Variants in SIGLEC6 observed in about 807,000 individuals in gnomAD.
SIGLEC6 encodes sialic acid binding Ig like lectin 6.
SIGLEC6 carries 31 observed loss-of-function variants against 41.4 expected under a neutral mutation model. That is an observed-to-expected ratio of 0.75 (90% CI 0.56 to 1.01). The LOEUF (loss-of-function observed/expected upper bound fraction) is 1.01. Among genes scored for constraint, SIGLEC6 ranks in the 50% least tolerant of loss-of-function variants. SIGLEC6 has a pLI of 0.00. For synonymous variants in SIGLEC6, 217 were observed against 231.0 expected, an observed-to-expected ratio of 0.94 and a Z score of 0.55; for missense variants, 555 against 558.6, an observed-to-expected ratio of 0.99 and a Z score of 0.06.
intron 3 of SIGLEC6, 98 bp downstream of exon 3, chr19:51,530,583 C>G: frequency 1.2e-6 from 2 of 1,605,722 alleles, no homozygotes; most frequent in East Asian, 4.5e-5. Context: ...AAGGGGCTCT[C>G]CTCTTTGGCA....
Position 51,531,454 on chromosome 19 carries a change from G to T in SIGLEC6, c.133C>A (p.Leu45Met). 1 of 1,614,104 alleles carries T rather than the reference G, an allele frequency of 6.2e-7. No individual in the cohort carries two copies. Among genetic ancestry groups the T allele is most frequent in the Non-Finnish European group, 8.5e-7 (1 of 1,179,994 alleles). ...AATCTGCAGGGTACGAGGACGCACA[G>T]ACCCTCCTGCACCGTCAGTGACTCT... ...GPESLTVQEG[L>M]CVLVPCRLPT... The change falls in exon 2 of 8, where the codon CTG (leucine) becomes ATG (methionine). Residue 45 changes from leucine to methionine, a missense_variant. Coordinates refer to ENST00000425629, the MANE Select transcript of SIGLEC6 (RefSeq NM_001245.7).
Position 51,530,181 on chromosome 19 carries a change from C to T in SIGLEC6, c.755-200G>A, listed in dbSNP as rs144701730. Among the ~76,000 whole-genome samples the T allele has an allele frequency of 3.3e-4, 51 of 152,284 alleles. 12 individuals are homozygous for T. Among genetic ancestry groups the T allele is most frequent in the Admixed American group, 1.1e-3 (17 of 15,294 alleles). ...AGAGTGGAGCAAGGGCTGCGGACAGCGTCGTGGCAGACAAGTGCCATTCCT... is the reference window on the plus strand; with the variant it reads ...AGAGTGGAGCAAGGGCTGCGGACAGTGTCGTGGCAGACAAGTGCCATTCCT... On this transcript the variant is annotated intron_variant, in intron 4 of 7. Coordinates refer to ENST00000425629, the MANE Select transcript of SIGLEC6 (RefSeq NM_001245.7).
chr19:51,528,379 C>T, intron 5 of SIGLEC6, 126 bp from the exon 6 acceptor site: 1 of 763,866 alleles, frequency 1.3e-6, no homozygotes, highest in Non-Finnish European at 2.2e-6. Flanking sequence ...CATTTCACTG[C>T]CCTGTGAACC....
rs368174533 is a variant in SIGLEC6, at chr19:51,520,106, G to A, written c.1338C>T (p.Tyr446=). The A allele has an allele frequency of 1.1e-4, 178 of 1,580,480 alleles. 1 individual carries two copies. The highest frequency in any genetic ancestry group is 1.5e-4 in the Non-Finnish European group (175 of 1,154,736). Residue 446 remains tyrosine (Y), a synonymous_variant, in exon 8 of 8, where the codon TAC becomes TAT. Transcript: ENST00000425629. ...CTCACTTGTGTATCTTGATTTCTGA[G>A]TACTCAGTGTCGGTGACCTTTGGTT... The part of the protein sequence containing the change: ...PQEPKVTDTE[Y]SEIKIHK
At chr19:51,528,807 C>G (rs1414704808) in intron 5 of SIGLEC6, among the ~76,000 whole-genome samples, 3 of 151,874 alleles carry the variant, frequency 2.0e-5, no homozygotes, top group East Asian at 3.9e-4. Context: ...ATGGTGAAAC[C>G]CTGTCTCTAC....
Position 51,530,826 on chromosome 19 carries a change from G to C in SIGLEC6, c.561C>G (p.Pro187=). ...PPIFSWMSAA[P]TSLGPRTTQS... is the part of the protein sequence containing the mutation. ...GGGTGGTCCTGGGGCCCAGGGAGGT[G>C]GGGGCAGCTGACATCCAGGAGAAGA... Residue 187 remains proline, a synonymous_variant, in exon 3 of 8, where the codon CCC becomes CCG. Coordinates refer to ENST00000425629, the MANE Select transcript of SIGLEC6 (RefSeq NM_001245.7). The C allele has an allele frequency of 6.2e-7, 1 of 1,614,028 alleles. No individual in the cohort carries two copies. Among genetic ancestry groups the C allele is most frequent in the South Asian group, 1.1e-5 (1 of 91,082 alleles).
At position 51,518,126 on chromosome 19, in the gene SIGLEC6, TTTTC is replaced by T. The variant is rs1990662620; in HGVS notation, c.*1952_*1955del. Among the ~76,000 whole-genome samples, 1 of 152,230 alleles carries T rather than the reference TTTTC, an allele frequency of 6.6e-6. No individual in the cohort carries two copies. Among genetic ancestry groups the T allele is most frequent in the African/African-American group, 2.4e-5 (1 of 41,458 alleles). On this transcript the variant is annotated 3_prime_UTR_variant, in exon 8 of 8. Coordinates refer to ENST00000425629, the MANE Select transcript of SIGLEC6 (RefSeq NM_001245.7). ...TGTTTTAGAATTTATTTGAGAAATC[TTTTC>T]TTTATTAACACTCACATATTTTGGT...
intron 7 of SIGLEC6, among the ~76,000 whole-genome samples, chr19:51,522,759 C>G (rs1978499842): frequency 6.6e-6 from 1 of 152,184 alleles, no homozygotes; most frequent in Non-Finnish European, 1.5e-5. Flanking sequence ...CCATTGCACT[C>G]CACCCTGGGC....
At position 51,530,342 on chromosome 19, in the gene SIGLEC6, T is replaced by C. The variant is rs1980051798; in HGVS notation, c.754+95A>G. The stretch of plus-strand genomic sequence containing the variant: ...ATTCAGTCCAGGTCTTTGAAGTCTA[T>C]GGAGGCCTTAGTCCTGGCTTCTCAT... On this transcript the variant is annotated intron_variant, in intron 4 of 7. Coordinates refer to ENST00000425629, the MANE Select transcript of SIGLEC6 (RefSeq NM_001245.7). 10 of 1,141,014 alleles carry C rather than the reference T, an allele frequency of 8.8e-6. No homozygotes were observed. In the South Asian group the frequency reaches 1.3e-4, roughly 15 times the overall value. The allele number at this position is 1,141,014 out of a possible 1,614,324, so 70.7% of individuals were successfully genotyped here.
At chr19:51,528,050 C>A (rs2290660) in intron 6 of SIGLEC6, 110 bp downstream of exon 6, 634,351 of 1,051,882 alleles carry the variant, frequency 0.6, 193,679 homozygotes, top group African/African-American at 0.72. Flanking sequence ...TCCTCACTCT[C>A]GACTTTCCCA....
chr19:51,519,964 A>G lies in SIGLEC6; in HGVS notation c.*118T>C. 1 of 929,604 alleles carries G rather than the reference A, an allele frequency of 1.1e-6. No individual in the cohort carries two copies. The highest frequency in any genetic ancestry group is 1.5e-6 in the Non-Finnish European group (1 of 647,868). 57.6% of individuals were successfully genotyped at this position (929,604 alleles called of 1,614,324 possible). A position where few individuals can be genotyped will look rare whatever the true frequency, so the allele number is the denominator to read the frequency against. On this transcript the variant is annotated 3_prime_UTR_variant, in exon 8 of 8. Transcript: ENST00000425629. ...CTCTAACATCTGAAACTATACGAAA[A>G]TAAAGTTCTGTGTTTATGTCACTCG... is the stretch of plus-strand genomic sequence containing the variant.
At chr19:51,528,333 A>G in intron 5 of SIGLEC6, 80 bp from the exon 6 acceptor site, 4 of 1,181,188 alleles carry the variant, frequency 3.4e-6, no homozygotes, top group Non-Finnish European at 5.0e-6. Context: ...ACCTTCCACT[A>G]ATGTGACCAC....
intron 7 of SIGLEC6, among the ~76,000 whole-genome samples, chr19:51,525,221 C>A (rs1329000660): frequency 6.6e-6 from 1 of 152,150 alleles, no homozygotes; most frequent in East Asian, 1.9e-4. Flanking sequence ...GCCTGGGACC[C>A]CAGCATAGCC....
At chr19:51,524,670 T>C (rs760436819) in intron 7 of SIGLEC6, among the ~76,000 whole-genome samples, 24 of 152,224 alleles carry the variant, frequency 1.6e-4, no homozygotes, top group Admixed American at 3.3e-4. Flanking sequence ...TACTACCAGT[T>C]ACTGAGATAA....
rs1376623245 is a variant in SIGLEC6, at chr19:51,520,008, TG to T, written c.*73del. Reference sequence around the variant, plus strand: ...TCACTCGGTTTGTGGTACATTGCTGTGGCAGCCCTAGTAACCAATACACTGA... The same window carrying T: ...TCACTCGGTTTGTGGTACATTGCTGTGCAGCCCTAGTAACCAATACACTGA... On this transcript the variant is annotated 3_prime_UTR_variant, in exon 8 of 8. Transcript: ENST00000425629. 3.1e-6 allele frequency: 4 copies of T among 1,279,078 alleles called. No homozygotes were observed. The highest frequency in any genetic ancestry group is 4.3e-6 in the Non-Finnish European group (4 of 939,974). The allele number at this position is 1,279,078 out of a possible 1,614,324, so 79.2% of individuals were successfully genotyped here. A position where few individuals can be genotyped will look rare whatever the true frequency, so the allele number is the denominator to read the frequency against.
In SIGLEC6 at chr19:51,518,370, C is replaced by T. The variant is rs549603831; in HGVS notation, c.*1712G>A. ...TTTTGCTTTTTCTGAGTTGGAGTCT[C>T]GCTCTGTTGCCCAGGCTGGAGTGCA... On this transcript the variant is annotated 3_prime_UTR_variant, in exon 8 of 8. Coordinates refer to ENST00000425629, the MANE Select transcript of SIGLEC6 (RefSeq NM_001245.7). Among the ~76,000 whole-genome samples the T allele has an allele frequency of 4.6e-5, 7 of 152,262 alleles. No homozygotes were observed. The highest frequency in any genetic ancestry group is 1.9e-4 in the East Asian group (1 of 5,176).
At chr19:51,523,302 A>T (rs1978608425) in intron 7 of SIGLEC6, among the ~76,000 whole-genome samples, 1 of 152,220 alleles carries the variant, frequency 6.6e-6, no homozygotes, top group South Asian at 2.1e-4. Context: ...AAACACAAAA[A>T]CGAAAAATAA....
chr19:51,530,300 G>T, intron 4 of SIGLEC6, 137 bp downstream of exon 4: 1 of 818,510 alleles, frequency 1.2e-6, no homozygotes, highest in Non-Finnish European at 1.9e-6. Context: ...GGCGACAAAG[G>T]CTGGGGGTGA....
chr19:51,524,437 C>G (rs1409597144), intron 7 of SIGLEC6, among the ~76,000 whole-genome samples: 1 of 152,128 alleles, frequency 6.6e-6, no homozygotes, highest in African/African-American at 2.4e-5. Context: ...TATAAAAATC[C>G]TAAGTGCATA....
Sources: gnomAD v4.1 joint callset for allele counts (sites outside exome capture counted in the v4.1 genomes callset) on GRCh38, gnomAD v4.1.1 for gene constraint, MANE v1.5 for transcripts, NCBI Gene and HGNC (gene_info 2026-07-23, HGNC 2026-07-21) for gene names.